The following AFF3 variants were observed in gnomAD, a reference collection of about 807,000 sequenced individuals.
AFF3 encodes the protein ALF transcription elongation factor 3, also known as AF4/FMR2 family member 3.
Under a neutral mutation model 129.7 loss-of-function variants are expected in AFF3, and 32 were observed. The observed-to-expected ratio is 0.25, with a 90% CI of 0.19 to 0.33. AFF3 has a LOEUF of 0.33. Ranked by LOEUF, AFF3 falls within the 10% of genes least tolerant of loss-of-function variation. AFF3 has a pLI of 1.00. For missense variants in AFF3, 1,373 were observed against 1,592.0 expected, an observed-to-expected ratio of 0.86 and a Z score of 2.34; for synonymous variants, 644 against 635.4, an observed-to-expected ratio of 1.01 and a Z score of -0.20.
At chr2:99,984,890 A>T (rs145931248) in intron 7 of AFF3, among the ~76,000 whole-genome samples, 24 of 151,898 alleles carry the variant, frequency 1.6e-4, no homozygotes, top group African/African-American at 5.8e-4. Flanking sequence ...GTCCATTTGC[A>T]CTGGCTCTCA....
At chr2:99,852,183 A>G (rs984233059) in intron 7 of AFF3, among the ~76,000 whole-genome samples, 2 of 150,968 alleles carry the variant, frequency 1.3e-5, no homozygotes, top group Admixed American at 6.6e-5. Flanking sequence ...CTTTAAAAGG[A>G]AAGTCCTAGA....
At chr2:99,581,145 C>A (rs141610641) in intron 17 of AFF3, among the ~76,000 whole-genome samples, 264 of 152,314 alleles carry the variant, frequency 1.7e-3, no homozygotes, top group Non-Finnish European at 3.3e-3. Context: ...CAGTGCCCAG[C>A]ACGTAATAAG....
intron 7 of AFF3, among the ~76,000 whole-genome samples, chr2:99,918,265 G>A (rs1165295581): frequency 6.6e-6 from 1 of 152,110 alleles, no homozygotes; most frequent in East Asian, 1.9e-4. Context: ...ACACCATCTT[G>A]CTTTAGAGAC....
chr2:99,783,058 T>C (rs1401982563), intron 8 of AFF3, among the ~76,000 whole-genome samples: 1 of 152,238 alleles, frequency 6.6e-6, no homozygotes, highest in Non-Finnish European at 1.5e-5. Flanking sequence ...TATCTTTTCT[T>C]CGCATATCTT....
At chr2:99,716,305 A>T (rs1318564640) in intron 11 of AFF3, among the ~76,000 whole-genome samples, 1 of 152,166 alleles carries the variant, frequency 6.6e-6, no homozygotes, top group Non-Finnish European at 1.5e-5. Flanking sequence ...TCTCTAGAGA[A>T]ACAATATAAG....
chr2:99,797,722 T>C (rs1229295964), intron 8 of AFF3, among the ~76,000 whole-genome samples: 1 of 152,012 alleles, frequency 6.6e-6, no homozygotes, highest in Non-Finnish European at 1.5e-5. Context: ...AGATTTACTG[T>C]TGGAAACAAT....
intron 7 of AFF3, among the ~76,000 whole-genome samples, chr2:99,889,216 T>C (rs138686583): frequency 2.0e-5 from 3 of 152,160 alleles, no homozygotes; most frequent in Non-Finnish European, 2.9e-5. Flanking sequence ...CATAGCTCAC[T>C]GCAGCCTCAA....
chr2:99,564,437 T>C (rs1177532848), intron 20 of AFF3, among the ~76,000 whole-genome samples: 2 of 152,170 alleles, frequency 1.3e-5, no homozygotes, highest in African/African-American at 2.4e-5. Flanking sequence ...TAATGTGCCA[T>C]ATAAAAAGAC....
At chr2:100,030,561 T>C (rs1448169638) in intron 4 of AFF3, among the ~76,000 whole-genome samples, 2 of 152,186 alleles carry the variant, frequency 1.3e-5, no homozygotes, top group African/African-American at 4.8e-5. Flanking sequence ...AAAATCTACA[T>C]GCAAATGTTT....
At chr2:99,577,989 C>G (rs1177984399) in intron 18 of AFF3, among the ~76,000 whole-genome samples, 1 of 152,180 alleles carries the variant, frequency 6.6e-6, no homozygotes, top group Non-Finnish European at 1.5e-5. Context: ...AACAATGCTT[C>G]TCTTTCTAGT....
At chr2:99,593,047 AGT>A in intron 15 of AFF3, 146 bp downstream of exon 15, 1 of 803,904 alleles carries the variant, frequency 1.2e-6, no homozygotes, top group Admixed American at 2.9e-5. Context: ...GTACCCTAGA[AGT>A]GTGTGTTAGG....
intron 1 of AFF3, among the ~76,000 whole-genome samples, chr2:100,129,642 G>T (rs1344716760): frequency 6.6e-6 from 1 of 152,120 alleles, no homozygotes; most frequent in Non-Finnish European, 1.5e-5. Flanking sequence ...TTGTTCTTCA[G>T]GTAATCGGCA....
In AFF3 at chr2:100,104,482, C is replaced by T. The variant is rs1233650122; in HGVS notation, c.-28G>A. ...TGGGAGGTGTCAGCGTCGCCGCCGC[C>T]GCTACCGCCGCCGCCGAGGCTCGGG... On this transcript the variant is annotated 5_prime_UTR_variant, in exon 4 of 25. Transcript: ENST00000672756. 44 of 1,303,924 alleles carry T rather than the reference C, an allele frequency of 3.4e-5. No homozygotes were observed. Among genetic ancestry groups the T allele is most frequent in the Non-Finnish European group, 3.9e-5 (39 of 1,001,128 alleles). 80.8% of individuals were successfully genotyped at this position (1,303,924 alleles called of 1,614,324 possible). A position where few individuals can be genotyped will look rare whatever the true frequency, so the allele number is the denominator to read the frequency against.
intron 15 of AFF3, among the ~76,000 whole-genome samples, chr2:99,592,779 CA>C (rs1407631875): frequency 6.6e-6 from 1 of 151,796 alleles, no homozygotes; most frequent in Non-Finnish European, 1.5e-5. Context: ...ACTAAAAATA[CA>C]AAAAAATTAG....
intron 7 of AFF3, among the ~76,000 whole-genome samples, chr2:99,941,772 T>A (rs1441926006): frequency 2.6e-5 from 4 of 152,164 alleles, no homozygotes; most frequent in African/African-American, 9.7e-5. Context: ...CTTGTGACAG[T>A]GAAGCAATTT....
At chr2:99,927,111 C>T (rs1696305799) in intron 7 of AFF3, among the ~76,000 whole-genome samples, 2 of 152,140 alleles carry the variant, frequency 1.3e-5, no homozygotes, top group Admixed American at 6.5e-5. Context: ...TATGGATATC[C>T]CCACTCTCAT....
At chr2:99,968,800 C>T (rs1453723781) in intron 7 of AFF3, among the ~76,000 whole-genome samples, 2 of 152,226 alleles carry the variant, frequency 1.3e-5, no homozygotes, top group African/African-American at 4.8e-5. Context: ...CATTGGCAAC[C>T]TTCCTCCTGC....
At chr2:100,116,415 C>T (rs1262120744) in intron 2 of AFF3, among the ~76,000 whole-genome samples, 2 of 151,844 alleles carry the variant, frequency 1.3e-5, no homozygotes, top group Non-Finnish European at 1.5e-5. Context: ...TCGTTCTGTT[C>T]CTTTGTCTAT....
At chr2:99,737,934 C>G (rs1262495799) in intron 10 of AFF3, among the ~76,000 whole-genome samples, 1 of 150,784 alleles carries the variant, frequency 6.6e-6, no homozygotes, top group Admixed American at 6.7e-5. Context: ...GCTGTTACAT[C>G]TGCCCATGGA....
Sources: gnomAD v4.1 joint callset for allele counts (sites outside exome capture counted in the v4.1 genomes callset) on GRCh38, gnomAD v4.1.1 for gene constraint, MANE v1.5 for transcripts, NCBI Gene and HGNC (gene_info 2026-07-23, HGNC 2026-07-21) for gene names.